CELF2: variants seen among roughly 807,000 people sequenced by gnomAD.
CELF2 encodes the protein CUG triplet repeat RNA-binding protein 2.
Under a neutral mutation model 62.6 loss-of-function variants are expected in CELF2, and 8 were observed. The observed-to-expected ratio is 0.13, with a 90% CI of 0.07 to 0.23. CELF2 has a LOEUF of 0.23. Ranked by LOEUF, CELF2 falls within the 10% of genes least tolerant of loss-of-function variation. The pLI is 1.00. For synonymous variants in CELF2, 258 were observed against 250.0 expected (o/e 1.03, Z -0.30); for missense variants, 333 against 671.0 (o/e 0.50, Z 5.56).
At chr10:10,717,782 G>A in the CELF2 span, among the ~76,000 whole-genome samples, 2 of 152,184 alleles carry the variant, frequency 1.3e-5, no homozygotes, top group Non-Finnish European at 2.9e-5. Flanking sequence ...CCAGAAAAAT[G>A]TATTCTGCCC....
chr10:11,109,358 G>C (rs2054501142), intron 1 of CELF2, among the ~76,000 whole-genome samples: 1 of 152,144 alleles, frequency 6.6e-6, no homozygotes, highest in Non-Finnish European at 1.5e-5. Flanking sequence ...AAACAGACTT[G>C]GGCATCATGG....
chr10:11,030,213 T>G (rs2059876594), intron 1 of CELF2: 1 of 152,236 alleles, frequency 6.6e-6, no homozygotes, highest in South Asian at 2.1e-4. Flanking sequence ...TTAGTTATTC[T>G]TGATTTAGGA....
At chr10:10,660,701 G>A in the CELF2 span, among the ~76,000 whole-genome samples, 3 of 152,156 alleles carry the variant, frequency 2.0e-5, no homozygotes, top group African/African-American at 7.2e-5. Context: ...AGACTAAAAT[G>A]TGTAATAGAA....
intron 2 of CELF2, among the ~76,000 whole-genome samples, chr10:10,965,603 A>G (rs940956780): frequency 6.6e-6 from 1 of 152,236 alleles, no homozygotes; most frequent in African/African-American, 2.4e-5. Flanking sequence ...GAGAATCATT[A>G]GAACAAATAA....
the CELF2 span, among the ~76,000 whole-genome samples, chr10:10,659,470 G>T: frequency 6.6e-6 from 1 of 152,176 alleles, no homozygotes; most frequent in African/African-American, 2.4e-5. Context: ...AAGCAAGAAT[G>T]TCATGCTTCT....
intron 1 of CELF2, among the ~76,000 whole-genome samples, chr10:10,823,095 A>C (rs990638398): frequency 1.3e-5 from 2 of 152,228 alleles, no homozygotes; most frequent in Admixed American, 6.5e-5. Flanking sequence ...TTAAAATGGC[A>C]TATGTAATTT....
the CELF2 span, among the ~76,000 whole-genome samples, chr10:10,642,043 G>C: frequency 6.6e-6 from 1 of 152,142 alleles, no homozygotes; most frequent in East Asian, 1.9e-4. Flanking sequence ...AGACCTGGTG[G>C]AAGATAGTCA....
At chr10:10,651,706 C>T in the CELF2 span, among the ~76,000 whole-genome samples, 6 of 151,568 alleles carry the variant, frequency 4.0e-5, no homozygotes, top group East Asian at 3.9e-4. Flanking sequence ...ACATCTACAC[C>T]GAAAACCCAT....
rs1476921277 is a variant in CELF2 at position 11,075,443 on chromosome 10, A to G, written c.74+57280A>G. On this transcript the variant is annotated intron_variant, in intron 1 of 12. Coordinates refer to ENST00000633077, the MANE Select transcript of CELF2 (RefSeq NM_001326342.2). The surrounding 1 kb of genome is among the most constrained non-coding windows in gnomAD (Gnocchi z 5.4). ...GTAACGTATGGAGAGCAGTCCTGGT[A>G]TACAGATACATGTACGATGTGATAA... 1.3e-5 allele frequency: 2 copies of G among 152,178 alleles called. No individual in the cohort carries two copies. The highest frequency in any genetic ancestry group is 6.6e-5 in the Admixed American group (1 of 15,266). The allele number at this position is 152,178 out of a possible 1,614,324, so 9.4% of individuals were successfully genotyped here.
rs998150814 is a variant in CELF2 at position 11,224,346 on chromosome 10, T to G, written c.354+6839T>G. Among the ~76,000 whole-genome samples, 1 of 152,188 alleles carries G rather than the reference T, an allele frequency of 6.6e-6. No homozygotes were observed. The highest frequency in any genetic ancestry group is 6.5e-5 in the Admixed American group (1 of 15,286). On this transcript the variant is annotated intron_variant, in intron 3 of 12. Coordinates refer to ENST00000633077, the MANE Select transcript of CELF2 (RefSeq NM_001326342.2). This position sits in a 1 kb window ranked among gnomAD's most constrained non-coding sequence, Gnocchi z 4.5. ...TCATTGCTTGAGGGATACTGGTATC[T>G]CATTAGTATCTTGTGAGGGGATGGT...
At chr10:10,992,028 A>G (rs1564324946) in intron 2 of CELF2, among the ~76,000 whole-genome samples, 2 of 152,204 alleles carry the variant, frequency 1.3e-5, no homozygotes, top group African/African-American at 2.4e-5. Context: ...ATTGGGAAAT[A>G]TGGAAATTCT....
intron 1 of CELF2, among the ~76,000 whole-genome samples, chr10:11,057,073 C>T (rs1477743156): frequency 2.6e-5 from 4 of 152,134 alleles, no homozygotes; most frequent in Non-Finnish European, 4.4e-5. Context: ...AGTGAGCAGC[C>T]GTGCCTGGAG....
rs1457628185 is a variant in CELF2 at position 10,989,913 on chromosome 10, C to T, written c.89+69914C>T. 3.3e-5 allele frequency among the ~76,000 whole-genome samples: 5 copies of T among 152,036 alleles called. No homozygotes were observed. In the East Asian group the frequency reaches 5.8e-4, roughly 18 times the overall value. On this transcript the variant is annotated intron_variant, in intron 2 of 13. Transcript: ENST00000636488. ...AGTATTCAGAGACATGCAAAGAAAACAGTGAAGTAACAGGTCATCACTCAT... is the reference window on the plus strand; with the variant it reads ...AGTATTCAGAGACATGCAAAGAAAATAGTGAAGTAACAGGTCATCACTCAT...
chr10:11,330,303 A>C lies in CELF2; in HGVS notation c.*1250A>C, dbSNP rs771397313. 6.6e-6 allele frequency: 1 copy of C among 152,556 alleles called. No homozygotes were observed. Among genetic ancestry groups the C allele is most frequent in the Non-Finnish European group, 1.5e-5 (1 of 68,028 alleles). The allele number at this position is 152,556 out of a possible 1,614,324, so 9.5% of individuals were successfully genotyped here. On this transcript the variant is annotated 3_prime_UTR_variant, in exon 13 of 13. Transcript: ENST00000633077. This position sits in a 1 kb window ranked among gnomAD's most constrained non-coding sequence, Gnocchi z 4.5. ...TTGGGGTTTCATTGTGCTGTGGATA[A>C]GGAGTGTAAGAAATGCAAATTATGT...
upstream of CELF2, among the ~76,000 whole-genome samples, chr10:10,794,442 T>G (rs1333553600): frequency 6.6e-6 from 1 of 151,978 alleles, no homozygotes; most frequent in Admixed American, 6.6e-5. Context: ...AGCAAGCCGC[T>G]CCAAAACAAT....
chr10:10,814,478 T>C (rs554673074), intron 1 of CELF2, among the ~76,000 whole-genome samples: 2 of 152,286 alleles, frequency 1.3e-5, no homozygotes, highest in South Asian at 4.1e-4. Flanking sequence ...CTAGATTGAA[T>C]GCATGTATGA....
rs764986686 is a variant in CELF2, at chr10:11,330,806, G to C, written c.*1753G>C. ...TTATACAGGGATTGGCATTCTTCCCGGTCACTGGTAACAATAGCAATATGT... is the reference window on the plus strand; with the variant it reads ...TTATACAGGGATTGGCATTCTTCCCCGTCACTGGTAACAATAGCAATATGT... On this transcript the variant is annotated 3_prime_UTR_variant, in exon 13 of 13. Transcript: ENST00000633077. The surrounding 1 kb of genome is among the most constrained non-coding windows in gnomAD (Gnocchi z 4.5). 6.6e-6 allele frequency: 1 copy of C among 152,236 alleles called. No homozygotes were observed. The highest frequency in any genetic ancestry group is 1.5e-5 in the Non-Finnish European group (1 of 67,976). 9.4% of individuals were successfully genotyped at this position (152,236 alleles called of 1,614,324 possible).
intron 1 of CELF2, among the ~76,000 whole-genome samples, chr10:10,891,722 G>T (rs2062159035): frequency 6.6e-6 from 1 of 152,156 alleles, no homozygotes; most frequent in South Asian, 2.1e-4. Flanking sequence ...AGACTGGATG[G>T]ATTTACAGAG....
chr10:10,963,840 A>G (rs1056677701), intron 2 of CELF2, among the ~76,000 whole-genome samples: 3 of 152,158 alleles, frequency 2.0e-5, no homozygotes, highest in African/African-American at 7.2e-5. Flanking sequence ...TAGATGCAGC[A>G]ATGGATTCTC....
Sources: gnomAD v4.1 joint callset for allele counts (sites outside exome capture counted in the v4.1 genomes callset) on GRCh38, gnomAD v4.1.1 for gene constraint, Gnocchi (gnomAD v3.1) non-coding constraint, MANE v1.5 for transcripts, NCBI Gene and HGNC (gene_info 2026-07-23, HGNC 2026-07-21) for gene names.